SLC8A1: variants seen among roughly 807,000 people sequenced by gnomAD.
SLC8A1 encodes the protein sodium/calcium exchanger 1.
Under a neutral mutation model 68.3 loss-of-function variants are expected in SLC8A1, and 18 were observed. That is an observed-to-expected ratio of 0.26 (90% CI 0.18 to 0.39). The LOEUF (loss-of-function observed/expected upper bound fraction) is 0.39. Among genes scored for constraint, SLC8A1 ranks in the 10% least tolerant of loss-of-function variants. The probability of loss-of-function intolerance (pLI) is 1.00; values close to 1 mark genes in which losing one functional copy is unlikely to be tolerated. For synonymous variants in SLC8A1, 475 were observed against 415.5 expected (o/e 1.14, Z -1.74); for missense variants, 985 against 1,156.7 (o/e 0.85, Z 2.15).
At chr2:40,426,567 A>G (rs963408853) in intron 2 of SLC8A1, among the ~76,000 whole-genome samples, 2 of 152,078 alleles carry the variant, frequency 1.3e-5, no homozygotes, top group Admixed American at 1.3e-4. Flanking sequence ...GTTTGGTAAA[A>G]GTCCTGAACT....
At chr2:40,448,495 G>A (rs1701853785) in intron 1 of SLC8A1, among the ~76,000 whole-genome samples, 1 of 152,096 alleles carries the variant, frequency 6.6e-6, no homozygotes, top group African/African-American at 2.4e-5. Flanking sequence ...ATATCTCTAG[G>A]GAACAGAAAT....
intron 2 of SLC8A1, among the ~76,000 whole-genome samples, chr2:40,278,721 T>C (rs2067106431): frequency 6.6e-6 from 1 of 152,182 alleles, no homozygotes; most frequent in African/African-American, 2.4e-5. Flanking sequence ...TAGGACAAGA[T>C]GGCACTTCAT....
At chr2:40,433,445 AAC>A (rs1278184475) in intron 1 of SLC8A1, among the ~76,000 whole-genome samples, 1 of 152,192 alleles carries the variant, frequency 6.6e-6, no homozygotes, top group Non-Finnish European at 1.5e-5. Context: ...TCCATTCTTA[AAC>A]AGTCACAGAT....
chr2:40,436,689 T>A (rs1178808474), intron 1 of SLC8A1, among the ~76,000 whole-genome samples: 1 of 152,074 alleles, frequency 6.6e-6, no homozygotes, highest in African/African-American at 2.4e-5. Context: ...AAAATCACCT[T>A]CATTGTAGAG....
At chr2:40,210,472 C>A (rs555235031) in intron 2 of SLC8A1, among the ~76,000 whole-genome samples, 1 of 152,248 alleles carries the variant, frequency 6.6e-6, no homozygotes, top group East Asian at 1.9e-4. Flanking sequence ...AAACAGGACC[C>A]AACCAAATCA....
At chr2:40,195,132 G>A (rs2052706329) in intron 2 of SLC8A1, among the ~76,000 whole-genome samples, 1 of 152,082 alleles carries the variant, frequency 6.6e-6, no homozygotes, top group Non-Finnish European at 1.5e-5. Context: ...ATGAACTGAA[G>A]TCTTGAAATC....
intron 2 of SLC8A1, among the ~76,000 whole-genome samples, chr2:40,417,002 C>G (rs1305340382): frequency 6.6e-6 from 1 of 152,040 alleles, no homozygotes; most frequent in Non-Finnish European, 1.5e-5. Flanking sequence ...AATTTACCAA[C>G]CTCTCTCTCA....
chr2:40,330,074 T>C (rs950770517), intron 2 of SLC8A1, among the ~76,000 whole-genome samples: 2 of 152,234 alleles, frequency 1.3e-5, no homozygotes, highest in Admixed American at 1.3e-4. Context: ...AAAAAGTAGA[T>C]GCTAGATGCA....
chr2:40,118,941 C>T (rs2036169851), intron 7 of SLC8A1, among the ~76,000 whole-genome samples: 1 of 152,024 alleles, frequency 6.6e-6, no homozygotes, highest in South Asian at 2.1e-4. Context: ...TACTCAGAAA[C>T]TCTGGGCTTT....
intron 2 of SLC8A1, among the ~76,000 whole-genome samples, chr2:40,382,770 T>C (rs996732917): frequency 6.6e-6 from 1 of 152,204 alleles, no homozygotes. Flanking sequence ...TCTACTAAAA[T>C]AGAAGTGAGT....
intron 2 of SLC8A1, among the ~76,000 whole-genome samples, chr2:40,227,277 A>G (rs992354087): frequency 2.0e-5 from 3 of 152,022 alleles, no homozygotes; most frequent in African/African-American, 4.8e-5. Context: ...CTGTAATAGA[A>G]TATCTTCCCT....
rs568552111 is a variant in SLC8A1 at position 40,163,633 on chromosome 2, G to A, written c.2061+1221C>T. Among the ~76,000 whole-genome samples the A allele has an allele frequency of 1.8e-3, 277 of 152,290 alleles. 6 individuals are homozygous for A. The South Asian group carries it at 0.028, about 15-fold the overall frequency. ...AGCCAAGTTCTGTGTCATACAATGG[G>A]GGTCTAATGATCGGGGTCTGCCTAG... On this transcript the variant is annotated intron_variant, in intron 5 of 7. Coordinates refer to ENST00000406785, the Ensembl canonical transcript of SLC8A1.
At chr2:40,389,595 A>G (rs994490068) in intron 2 of SLC8A1, among the ~76,000 whole-genome samples, 5 of 151,922 alleles carry the variant, frequency 3.3e-5, no homozygotes, top group African/African-American at 1.2e-4. Context: ...ACCAATAAAA[A>G]CTATAACCCC....
At chr2:40,215,402 C>G (rs2057304696) in intron 2 of SLC8A1, among the ~76,000 whole-genome samples, 1 of 151,980 alleles carries the variant, frequency 6.6e-6, no homozygotes, top group African/African-American at 2.4e-5. Flanking sequence ...CTTTGGGAGG[C>G]CGAGGCGGGT....
chr2:40,177,043 T>C (rs77101352), intron 3 of SLC8A1, among the ~76,000 whole-genome samples: 1,618 of 58,620 alleles, frequency 0.028, 8 homozygotes, highest in African/African-American at 0.037. Flanking sequence ...ACTACTTTTA[T>C]TTTTTCTTTT....
chr2:40,158,804 G>A (rs1466813307), intron 6 of SLC8A1, among the ~76,000 whole-genome samples: 1 of 152,048 alleles, frequency 6.6e-6, no homozygotes, highest in Non-Finnish European at 1.5e-5. Context: ...GTAAGATAAC[G>A]ATAATTATAA....
chr2:40,332,205 C>T (rs1395291383), intron 2 of SLC8A1, among the ~76,000 whole-genome samples: 2 of 152,124 alleles, frequency 1.3e-5, no homozygotes, highest in African/African-American at 4.8e-5. Flanking sequence ...GAATGCCTTT[C>T]TAAATGTCAC....
chr2:40,370,583 A>G (rs1165180409), intron 2 of SLC8A1, among the ~76,000 whole-genome samples: 2 of 152,118 alleles, frequency 1.3e-5, no homozygotes, highest in Non-Finnish European at 2.9e-5. Context: ...TATCAGAATG[A>G]CTTGAGCTTT....
intron 2 of SLC8A1, among the ~76,000 whole-genome samples, chr2:40,392,778 T>C (rs1685726000): frequency 1.3e-5 from 2 of 152,174 alleles, no homozygotes; most frequent in African/African-American, 4.8e-5. Flanking sequence ...TAAAAAATCA[T>C]GGTTATGATT....
Sources: allele counts gnomAD v4.1 joint callset (sites outside exome capture counted in the v4.1 genomes callset), GRCh38; gene constraint gnomAD v4.1.1; transcripts MANE v1.5; gene names NCBI Gene and HGNC (gene_info 2026-07-23, HGNC 2026-07-21).